The following GFRA2 variants were observed in gnomAD, a reference collection of about 807,000 sequenced individuals.
GFRA2 encodes GDNF family receptor alpha-2.
In GFRA2, 17 loss-of-function variants were observed where a neutral mutation model predicts 48.3. That is an observed-to-expected ratio of 0.35 (90% CI 0.24 to 0.53). The LOEUF is 0.53. Ranked by LOEUF, GFRA2 falls within the 20% of genes least tolerant of loss-of-function variation. The pLI is 0.93. For synonymous variants in GFRA2, 305 were observed against 257.2 expected (o/e 1.19, Z -1.78); for missense variants, 660 against 637.3 (o/e 1.04, Z -0.38).
intron 3 of GFRA2, among the ~76,000 whole-genome samples, chr8:21,770,856 G>A (rs2117690335): frequency 6.6e-6 from 1 of 152,178 alleles, no homozygotes; most frequent in South Asian, 2.1e-4. Context: ...ACCCTTCCAG[G>A]TCCTCCTTCC....
intron 3 of GFRA2, among the ~76,000 whole-genome samples, chr8:21,774,268 A>AC (rs1176857448): frequency 4.0e-5 from 6 of 151,126 alleles, no homozygotes; most frequent in Admixed American, 3.9e-4. Flanking sequence ...GAGAAGAAAG[A>AC]CCCCCAGAGC....
Position 21,696,085 on chromosome 8 carries a change from T to C in GFRA2, c.1219-1568A>G, listed in dbSNP as rs867233235. On this transcript the variant is annotated intron_variant, in intron 7 of 8. Coordinates refer to ENST00000524240, the MANE Select transcript of GFRA2 (RefSeq NM_001495.5). ...CATCTCCTGTGTCCCCTCCCCCCTC[T>C]CTCCCCTCCCCCTCCTCTGTCCCCT... 5.3e-3 allele frequency among the ~76,000 whole-genome samples: 182 copies of C among 34,492 alleles called. 1 individual carries two copies. In the Middle Eastern group the frequency reaches 0.086, roughly 16 times the overall value. 22.6% of individuals were successfully genotyped at this position (34,492 alleles called of 152,430 possible).
At chr8:21,735,765 C>T (rs562515651) in intron 4 of GFRA2, among the ~76,000 whole-genome samples, 4 of 151,988 alleles carry the variant, frequency 2.6e-5, no homozygotes, top group Non-Finnish European at 5.9e-5. Flanking sequence ...CTCCAGGGCT[C>T]GAGCCGTCCT....
chr8:21,790,848 G>A (rs373717262), upstream of GFRA2, among the ~76,000 whole-genome samples: 163 of 152,296 alleles, frequency 1.1e-3, 1 homozygote, highest in African/African-American at 3.8e-3. Flanking sequence ...GGGAGCATAA[G>A]GAACCGGCTT....
At chr8:21,787,273 A>AGGGGGGGG (rs1585344097) in intron 1 of GFRA2, among the ~76,000 whole-genome samples, 6 of 51,824 alleles carry the variant, frequency 1.2e-4, no homozygotes, top group African/African-American at 1.9e-4. Context: ...CGGGGGGGGC[A>AGGGGGGGG]GTGGGGGGGG....
intron 3 of GFRA2, among the ~76,000 whole-genome samples, chr8:21,772,183 C>G (rs1806468679): frequency 6.6e-6 from 1 of 152,176 alleles, no homozygotes; most frequent in Admixed American, 6.5e-5. Flanking sequence ...ATGAAATGAG[C>G]CTACCCAAGA....
chr8:21,699,553 G>A (rs1028317508), intron 7 of GFRA2, among the ~76,000 whole-genome samples: 5 of 152,156 alleles, frequency 3.3e-5, no homozygotes, highest in Non-Finnish European at 5.9e-5. Flanking sequence ...AGGGAGAACA[G>A]CAGGCCATGG....
intron 3 of GFRA2, among the ~76,000 whole-genome samples, chr8:21,767,486 C>T (rs952131471): frequency 7.9e-5 from 12 of 152,230 alleles, no homozygotes; most frequent in Non-Finnish European, 1.8e-4. Flanking sequence ...GAGGGGAATG[C>T]CCAGGGCACG....
At chr8:21,695,223 A>G (rs1417536873) in intron 7 of GFRA2, among the ~76,000 whole-genome samples, 3 of 152,152 alleles carry the variant, frequency 2.0e-5, no homozygotes, top group African/African-American at 7.2e-5. Context: ...GGCCACCTGG[A>G]TGCAGGGCCA....
chr8:21,759,457 G>GGAGA (rs1258962201), intron 3 of GFRA2, among the ~76,000 whole-genome samples: 7 of 93,122 alleles, frequency 7.5e-5, no homozygotes, highest in Non-Finnish European at 1.0e-4. Flanking sequence ...AGGGAGAGAG[G>GGAGA]GAGGGAGGGA....
rs115699707 is a variant in GFRA2, at chr8:21,747,642, A to T, written c.794+2946T>A. ...GCCCCAGCTCTCCTCCCCATCTCCC[A>T]TCTCTCTGCGGTCCCTGGCCCTGGC... On this transcript the variant is annotated intron_variant, in intron 4 of 8. Transcript: ENST00000524240. Among the ~76,000 whole-genome samples, 3 of 151,332 alleles carry T rather than the reference A, an allele frequency of 2.0e-5. No homozygotes were observed. The East Asian group carries it at 5.9e-4, about 30-fold the overall frequency.
intron 2 of GFRA2, among the ~76,000 whole-genome samples, chr8:21,799,993 T>A (rs1179154016): frequency 6.6e-6 from 1 of 152,224 alleles, no homozygotes; most frequent in African/African-American, 2.4e-5. Context: ...CATTGCATGG[T>A]GCACTTTGGC....
At chr8:21,693,440 T>A (rs752494769) in intron 8 of GFRA2, 40 bp from the exon 9 acceptor site, 7 of 1,568,594 alleles carry the variant, frequency 4.5e-6, no homozygotes, top group Non-Finnish European at 5.2e-6. Flanking sequence ...ACAAAGAGAA[T>A]GAAAACAAAG....
chr8:21,739,991 G>A (rs1164012307), intron 4 of GFRA2, among the ~76,000 whole-genome samples: 1 of 152,184 alleles, frequency 6.6e-6, no homozygotes, highest in African/African-American at 2.4e-5. Context: ...GCCATATCGT[G>A]GCCCCTCCAA....
At chr8:21,802,653 C>A (rs1478361550) in intron 2 of GFRA2, among the ~76,000 whole-genome samples, 3 of 152,136 alleles carry the variant, frequency 2.0e-5, no homozygotes, top group Non-Finnish European at 4.4e-5. Flanking sequence ...CCACGCCTGG[C>A]CTTCTGTCTT....
chr8:21,787,490 G>C (rs1470498536), intron 1 of GFRA2, among the ~76,000 whole-genome samples: 1 of 152,188 alleles, frequency 6.6e-6, no homozygotes, highest in Non-Finnish European at 1.5e-5. Context: ...CTCGGGGCTC[G>C]GTGGGGAGAA....
chr8:21,719,935 G>C (rs919376984), intron 4 of GFRA2, among the ~76,000 whole-genome samples: 2 of 152,132 alleles, frequency 1.3e-5, no homozygotes, highest in Non-Finnish European at 2.9e-5. Flanking sequence ...AAGTTCTTCT[G>C]CTCTTAGTTC....
rs184067196 is a variant in GFRA2, at chr8:21,695,165, C to G, written c.1219-648G>C. 9.6e-3 allele frequency among the ~76,000 whole-genome samples: 1,456 copies of G among 152,294 alleles called. 9 individuals are homozygous for G. The highest frequency in any genetic ancestry group is 0.016 in the Non-Finnish European group (1,061 of 68,018). ...GGAACACTGTGGGCAAGGTGAGGGACGAGAAGGGCTGCCTTGGTAATGATT... is the reference window on the plus strand; with the variant it reads ...GGAACACTGTGGGCAAGGTGAGGGAGGAGAAGGGCTGCCTTGGTAATGATT... On this transcript the variant is annotated intron_variant, in intron 7 of 8. Transcript: ENST00000524240.
intron 1 of GFRA2, among the ~76,000 whole-genome samples, chr8:21,784,661 T>G (rs1425633833): frequency 6.6e-6 from 1 of 152,114 alleles, no homozygotes; most frequent in Non-Finnish European, 1.5e-5. Flanking sequence ...GGGATGGGCC[T>G]GGGGTACAGA....
Sources: allele counts gnomAD v4.1 joint callset (sites outside exome capture counted in the v4.1 genomes callset), GRCh38; gene constraint gnomAD v4.1.1; transcripts MANE v1.5; gene names NCBI Gene and HGNC (gene_info 2026-07-23, HGNC 2026-07-21).